Variants in TRDN observed in about 807,000 individuals in gnomAD.
TRDN encodes the protein triadin.
Under a neutral mutation model 149.7 loss-of-function variants are expected in TRDN, and 161 were observed. The ratio of observed to expected loss-of-function variants is 1.08; its 90% CI spans 0.95 to 1.23. The LOEUF (loss-of-function observed/expected upper bound fraction) is 1.23. Ranked by LOEUF, TRDN falls within the 50% of genes most tolerant of loss-of-function variation. TRDN has a pLI of 0.00. For synonymous variants in TRDN, 294 were observed against 250.5 expected, an observed-to-expected ratio of 1.17 and a Z score of -1.64; for missense variants, 896 against 823.5, an observed-to-expected ratio of 1.09 and a Z score of -1.08.
At chr6:123,468,357 G>A (rs1438439156) in intron 9 of TRDN, among the ~76,000 whole-genome samples, 1 of 152,106 alleles carries the variant, frequency 6.6e-6, no homozygotes, top group African/African-American at 2.4e-5. Context: ...TTCAAACACA[G>A]TAAGTTGGCT....
intron 10 of TRDN, among the ~76,000 whole-genome samples, chr6:123,447,103 A>T (rs1562318274): frequency 6.9e-6 from 1 of 145,982 alleles, no homozygotes; most frequent in Non-Finnish European, 1.5e-5. Flanking sequence ...CTCTGAATCC[A>T]TTTTTTTTTT....
chr6:123,358,918 A>T (rs567906458), intron 20 of TRDN, among the ~76,000 whole-genome samples: 1 of 152,328 alleles, frequency 6.6e-6, no homozygotes, highest in African/African-American at 2.4e-5. Context: ...ATTACTTCGG[A>T]GAGGTAGACC....
intron 8 of TRDN, among the ~76,000 whole-genome samples, chr6:123,497,835 T>C (rs1052445699): frequency 4.6e-5 from 7 of 152,146 alleles, no homozygotes; most frequent in South Asian, 2.1e-4. Flanking sequence ...CAAATGATAT[T>C]GTTGTTAAAC....
At position 123,487,431 on chromosome 6, in the gene TRDN, T is replaced by C. The variant is rs1008378169; in HGVS notation, c.853+9762A>G. On this transcript the variant is annotated intron_variant, in intron 9 of 40. Transcript: ENST00000334268. Reference sequence around the variant, plus strand: ...TCACCACCCATGAATAATGGCTTCCTAAAGTTTACCCTTCCTTCCTTCAAT... The same window carrying C: ...TCACCACCCATGAATAATGGCTTCCCAAAGTTTACCCTTCCTTCCTTCAAT... Among the ~76,000 whole-genome samples, 9 of 152,070 alleles carry C rather than the reference T, an allele frequency of 5.9e-5. No individual in the cohort carries two copies. The East Asian group carries it at 1.7e-3, about 29-fold the overall frequency.
intron 19 of TRDN, among the ~76,000 whole-genome samples, chr6:123,370,011 A>G (rs1022048846): frequency 1.3e-5 from 2 of 152,014 alleles, no homozygotes; most frequent in African/African-American, 4.8e-5. Flanking sequence ...CACCACTTCT[A>G]TCCTCTCACT....
At position 123,274,504 on chromosome 6, in the gene TRDN, G is replaced by A. The variant is rs193242771; in HGVS notation, c.1597+137C>T. 1.1e-4 allele frequency: 73 copies of A among 671,126 alleles called. No individual in the cohort carries two copies. In the Admixed American group the frequency reaches 1.7e-3, roughly 16 times the overall value. 41.6% of individuals were successfully genotyped at this position (671,126 alleles called of 1,614,324 possible). A position where few individuals can be genotyped will look rare whatever the true frequency, so the allele number is the denominator to read the frequency against. On this transcript the variant is annotated intron_variant, in intron 27 of 40. Transcript: ENST00000334268. ...ATCCAGTGCTATAAAATCATGTTGA[G>A]CAATGGAGTTGACAAAATAATGAGG... is the stretch of plus-strand genomic sequence containing the variant.
intron 10 of TRDN, among the ~76,000 whole-genome samples, chr6:123,449,695 T>C (rs769518921): frequency 3.9e-5 from 6 of 152,072 alleles, no homozygotes; most frequent in Non-Finnish European, 5.9e-5. Flanking sequence ...GACTTAGACA[T>C]CCAAATACAA....
At chr6:123,375,993 T>C (rs1218897968) in intron 18 of TRDN, among the ~76,000 whole-genome samples, 2 of 152,152 alleles carry the variant, frequency 1.3e-5, no homozygotes, top group Non-Finnish European at 2.9e-5. Flanking sequence ...AAGAATGAGT[T>C]CACTTCATAA....
intron 24 of TRDN, among the ~76,000 whole-genome samples, chr6:123,297,839 G>A (rs1199055540): frequency 6.6e-6 from 1 of 151,846 alleles, no homozygotes; most frequent in Non-Finnish European, 1.5e-5. Flanking sequence ...GAAACAAAGT[G>A]GATATACCTC....
At chr6:123,456,915 T>C (rs1776160116) in intron 10 of TRDN, 8 of 455,288 alleles carry the variant, frequency 1.8e-5, no homozygotes, top group Non-Finnish European at 2.6e-5. Context: ...GAAATATTTA[T>C]GTCAAACAGA....
chr6:123,329,641 G>A (rs908056865), intron 23 of TRDN, among the ~76,000 whole-genome samples: 2 of 151,944 alleles, frequency 1.3e-5, no homozygotes, highest in African/African-American at 4.8e-5. Context: ...CTGAATTTTG[G>A]CTGGTTGTTT....
chr6:123,436,988 T>A (rs879909607), intron 12 of TRDN, among the ~76,000 whole-genome samples: 1 of 152,138 alleles, frequency 6.6e-6, no homozygotes, highest in Non-Finnish European at 1.5e-5. Context: ...AGAATGCTTA[T>A]CACCAAACCA....
chr6:123,449,703 C>A (rs1583047868), intron 10 of TRDN, among the ~76,000 whole-genome samples: 1 of 152,110 alleles, frequency 6.6e-6, no homozygotes, highest in African/African-American at 2.4e-5. Context: ...CATCCAAATA[C>A]AAGAAGCACA....
intron 21 of TRDN, 45 bp downstream of exon 21, chr6:123,352,494 G>C: frequency 6.2e-7 from 1 of 1,604,250 alleles, no homozygotes; most frequent in Non-Finnish European, 8.5e-7. Context: ...GCATGTTGTT[G>C]TCTTTCTAAA....
At chr6:123,349,943 T>C (rs1476245970) in intron 21 of TRDN, 1 of 985,232 alleles carries the variant, frequency 1.0e-6, no homozygotes. Flanking sequence ...GGAACCATTG[T>C]TTACAGAATA....
chr6:123,276,544 G>C (rs1403493756), intron 26 of TRDN, among the ~76,000 whole-genome samples: 1 of 152,162 alleles, frequency 6.6e-6, no homozygotes, highest in African/African-American at 2.4e-5. Flanking sequence ...GGCACTTACT[G>C]ATTTGAAAAT....
rs185256675 is a variant in TRDN, at chr6:123,265,997, G to T, written c.1784-659C>A. Among the ~76,000 whole-genome samples the T allele has an allele frequency of 2.6e-3, 372 of 144,096 alleles. 10 individuals are homozygous for T. Among genetic ancestry groups the T allele is most frequent in the Admixed American group, 0.025 (336 of 13,660 alleles). The allele number at this position is 144,096 out of a possible 152,430, so 94.5% of individuals were successfully genotyped here. A position where few individuals can be genotyped will look rare whatever the true frequency, so the allele number is the denominator to read the frequency against. On this transcript the variant is annotated intron_variant, in intron 32 of 40. Transcript: ENST00000334268. The stretch of plus-strand genomic sequence containing the variant: ...AAGATTTAGCTATGATTGCAGGATT[G>T]AATCATCTAAAATTAAGTAAAATAA...
intron 24 of TRDN, among the ~76,000 whole-genome samples, chr6:123,294,652 C>T (rs528527746): frequency 2.3e-5 from 3 of 130,268 alleles, no homozygotes; most frequent in Non-Finnish European, 5.2e-5. Context: ...GTAGATCAGA[C>T]AATAATGCTC....
chr6:123,247,463 A>G (rs1182761053), intron 38 of TRDN, among the ~76,000 whole-genome samples: 3 of 152,178 alleles, frequency 2.0e-5, no homozygotes, highest in Non-Finnish European at 4.4e-5. Context: ...TAATAGACAA[A>G]CAGAGAGCCA....
Sources: allele counts gnomAD v4.1 joint callset (sites outside exome capture counted in the v4.1 genomes callset), GRCh38; gene constraint gnomAD v4.1.1; transcripts MANE v1.5; gene names NCBI Gene and HGNC (gene_info 2026-07-23, HGNC 2026-07-21).